The following DAB1 variants were observed in gnomAD, a reference collection of about 807,000 sequenced individuals.
DAB1 encodes the protein DAB adaptor protein 1, also known as disabled homolog 1.
DAB1 carries 15 observed loss-of-function variants against 64.6 expected under a neutral mutation model. The observed-to-expected ratio is 0.23, with a 90% CI of 0.16 to 0.36. DAB1 has a LOEUF of 0.36. Among genes scored for constraint, DAB1 ranks in the 10% least tolerant of loss-of-function variants. DAB1 has a pLI of 1.00. For synonymous variants in DAB1, 235 were observed against 251.9 expected, an observed-to-expected ratio of 0.93 and a Z score of 0.64; for missense variants, 596 against 706.7, an observed-to-expected ratio of 0.84 and a Z score of 1.78.
intron 7 of DAB1, among the ~76,000 whole-genome samples, chr1:57,519,732 C>G (rs1489987651): frequency 1.3e-5 from 2 of 152,214 alleles, no homozygotes; most frequent in Non-Finnish European, 2.9e-5. Flanking sequence ...TGAATCCTAT[C>G]TCCTACTGCA....
At position 57,778,358 on chromosome 1, in the gene DAB1, C is replaced by T. The variant is rs986151396; in HGVS notation, n.551+105641G>A. Reference sequence around the variant, plus strand: ...ATCATTTCCTCAGCTCTTCAGTTTGCCATCCCTGCTTGATATACACCTCCC... The same window carrying T: ...ATCATTTCCTCAGCTCTTCAGTTTGTCATCCCTGCTTGATATACACCTCCC... On this transcript the variant is annotated intron_variant and non_coding_transcript_variant, in intron 6 of 20. Transcript: ENST00000485760. Among the ~76,000 whole-genome samples, 84 of 151,680 alleles carry T rather than the reference C, an allele frequency of 5.5e-4. 1 individual carries two copies. The highest frequency in any genetic ancestry group is 5.4e-3 in the Admixed American group (82 of 15,192).
chr1:57,183,058 C>T (rs1170475559), intron 2 of DAB1, among the ~76,000 whole-genome samples: 1 of 152,082 alleles, frequency 6.6e-6, no homozygotes, highest in Non-Finnish European at 1.5e-5. Context: ...TTCCCATCAT[C>T]ACAGAAAGTC....
chr1:57,716,063 C>A (rs1400246316), intron 6 of DAB1, among the ~76,000 whole-genome samples: 2 of 152,148 alleles, frequency 1.3e-5, no homozygotes, highest in Admixed American at 6.5e-5. Context: ...GCACCTGCCA[C>A]CACACCCAGT....
rs140849777 is a variant in DAB1, at chr1:57,054,636, C to A, written c.723+8248G>T. 9.0e-3 allele frequency among the ~76,000 whole-genome samples: 1,362 copies of A among 152,094 alleles called. 24 individuals carry two copies. Among genetic ancestry groups the A allele is most frequent in the African/African-American group, 0.031 (1,297 of 41,472 alleles). The stretch of plus-strand genomic sequence containing the variant: ...GGGACTGCAGGTACCCGCCACCACG[C>A]CCGGCTAATTTTTTTGTATTTTTAG... On this transcript the variant is annotated intron_variant, in intron 9 of 14. Transcript: ENST00000371236.
chr1:57,547,595 A>C (rs1395722875), intron 7 of DAB1, among the ~76,000 whole-genome samples: 1 of 152,216 alleles, frequency 6.6e-6, no homozygotes, highest in African/African-American at 2.4e-5. Flanking sequence ...AGAACCCCAG[A>C]GACAGGGAGT....
chr1:58,107,594 G>GT (rs1240140088), intron 5 of DAB1, among the ~76,000 whole-genome samples: 2 of 151,650 alleles, frequency 1.3e-5, no homozygotes, highest in South Asian at 4.2e-4. Context: ...AAGCTAGCAT[G>GT]TTTTTTTTCT....
intron 1 of DAB1, among the ~76,000 whole-genome samples, chr1:57,859,935 G>A (rs996894366): frequency 8.5e-5 from 13 of 152,058 alleles, no homozygotes; most frequent in African/African-American, 2.4e-4. Flanking sequence ...AAATACTATC[G>A]GCAATAGACT....
chr1:58,540,562 A>C (rs187889628), intron 1 of DAB1, among the ~76,000 whole-genome samples: 154 of 151,174 alleles, frequency 1.0e-3, no homozygotes, highest in African/African-American at 3.7e-3. Context: ...TAAAAGACCT[A>C]AACTTTTAGA....
intron 11 of DAB1, among the ~76,000 whole-genome samples, chr1:57,017,992 G>A (rs1200041843): frequency 6.6e-6 from 1 of 152,152 alleles, no homozygotes; most frequent in Non-Finnish European, 1.5e-5. Context: ...TGGCATTTAG[G>A]AGGCCCAAGC....
chr1:58,361,902 C>A (rs1367411071), intron 3 of DAB1, among the ~76,000 whole-genome samples: 1 of 123,972 alleles, frequency 8.1e-6, no homozygotes, highest in East Asian at 2.7e-4. Flanking sequence ...CGGAGCCTCA[C>A]TCTGTTGTCC....
Position 57,329,362 on chromosome 1 carries a change from A to G in DAB1, c.-136-38196T>C, listed in dbSNP as rs1054485936. 2.6e-5 allele frequency among the ~76,000 whole-genome samples: 4 copies of G among 152,148 alleles called. 1 individual carries two copies. Among genetic ancestry groups the G allele is most frequent in the Admixed American group, 2.6e-4 (4 of 15,278 alleles). On this transcript the variant is annotated intron_variant, in intron 1 of 14. Transcript: ENST00000371236. ...ATGAGCTAAATGGACACAATCCCAT[A>G]TTACTTTCTCTTAGTTACAAAGTCA... is the stretch of plus-strand genomic sequence containing the variant.
intron 1 of DAB1, among the ~76,000 whole-genome samples, chr1:57,355,698 A>G (rs1327566686): frequency 6.6e-6 from 1 of 152,094 alleles, no homozygotes; most frequent in Non-Finnish European, 1.5e-5. Flanking sequence ...AAGAAAATGT[A>G]GGCAGGCCCG....
chr1:57,087,186 A>G (rs181041173), intron 4 of DAB1, among the ~76,000 whole-genome samples: 3 of 152,352 alleles, frequency 2.0e-5, no homozygotes, highest in Admixed American at 6.5e-5. Flanking sequence ...CAGGGCATAG[A>G]AAACACATGT....
chr1:57,108,052 G>A (rs749279065), intron 4 of DAB1, among the ~76,000 whole-genome samples: 1 of 152,136 alleles, frequency 6.6e-6, no homozygotes, highest in Non-Finnish European at 1.5e-5. Context: ...TTCAGTGTCA[G>A]CTTTGGTTAT....
intron 4 of DAB1, among the ~76,000 whole-genome samples, chr1:58,264,186 G>A (rs1661109767): frequency 6.6e-6 from 1 of 152,158 alleles, no homozygotes; most frequent in Non-Finnish European, 1.5e-5. Flanking sequence ...GTTGTTGCAA[G>A]GTCCAAAGAA....
chr1:57,132,504 A>C (rs1000654741), intron 4 of DAB1, among the ~76,000 whole-genome samples: 3 of 152,024 alleles, frequency 2.0e-5, no homozygotes, highest in African/African-American at 4.8e-5. Context: ...AAAATCTGAA[A>C]CCTAAAATTC....
At chr1:57,953,331 C>A (rs553597543) in intron 5 of DAB1, among the ~76,000 whole-genome samples, 1 of 152,114 alleles carries the variant, frequency 6.6e-6, no homozygotes, top group Non-Finnish European at 1.5e-5. Context: ...ACATACTTGA[C>A]CTAAGGACAT....
chr1:57,105,656 CT>C, intron 4 of DAB1, among the ~76,000 whole-genome samples: 1 of 152,146 alleles, frequency 6.6e-6, no homozygotes, highest in African/African-American at 2.4e-5. Flanking sequence ...TGAACACTGT[CT>C]TTTTTCTTCT....
chr1:57,106,259 C>T (rs902286248), intron 4 of DAB1, among the ~76,000 whole-genome samples: 1 of 140,790 alleles, frequency 7.1e-6, no homozygotes. Flanking sequence ...CCCCTAACAC[C>T]CCCCCCCATC....
Sources: allele counts gnomAD v4.1 joint callset (sites outside exome capture counted in the v4.1 genomes callset), GRCh38; gene constraint gnomAD v4.1.1; transcripts MANE v1.5; gene names NCBI Gene and HGNC (gene_info 2026-07-23, HGNC 2026-07-21).